The following ANKRD13B variants were observed in gnomAD, a reference collection of about 807,000 sequenced individuals.
The protein encoded by ANKRD13B is ankyrin repeat domain 13B, also known as ankyrin repeat domain-containing protein 13B.
ANKRD13B carries 33 observed loss-of-function variants against 74.4 expected under a neutral mutation model. That is an observed-to-expected ratio of 0.44 (90% CI 0.34 to 0.59). ANKRD13B has a LOEUF of 0.59. Ranked by LOEUF, ANKRD13B falls within the 20% of genes least tolerant of loss-of-function variation. The probability of loss-of-function intolerance (pLI) is 0.02; values close to 1 mark genes in which losing one functional copy is unlikely to be tolerated. For synonymous variants in ANKRD13B, 341 were observed against 362.9 expected (o/e 0.94, Z 0.68); for missense variants, 676 against 877.9 (o/e 0.77, Z 2.91).
At chr17:29,601,250 C>T (rs1197691637) in intron 1 of ANKRD13B, among the ~76,000 whole-genome samples, 1 of 145,630 alleles carries the variant, frequency 6.9e-6, no homozygotes, top group Non-Finnish European at 1.5e-5. Context: ...GAGACAGAGT[C>T]TCTCTCTGTC....
In ANKRD13B at chr17:29,611,690, C is replaced by T; in HGVS notation, c.969+47C>T. The T allele has an allele frequency of 6.2e-7, 1 of 1,605,530 alleles. No individual in the cohort carries two copies. Among genetic ancestry groups the T allele is most frequent in the Non-Finnish European group, 8.5e-7 (1 of 1,172,360 alleles). On this transcript the variant is annotated intron_variant, in intron 9 of 14. Coordinates refer to ENST00000394859, the MANE Select transcript of ANKRD13B (RefSeq NM_152345.5). The surrounding 1 kb of genome is among the most constrained non-coding windows in gnomAD (Gnocchi z 4.3). ...CGTAAGTGGAGGGATGTGGATGTGG[C>T]TCAGGAGGAGGCTTGGGAAGCGTCC...
chr17:29,599,575 T>C (rs1361667057), intron 1 of ANKRD13B: 4 of 152,106 alleles, frequency 2.6e-5, no homozygotes, highest in Admixed American at 6.5e-5. Flanking sequence ...GGTTTTTTTT[T>C]CCACCTGAAA....
At position 29,593,561 on chromosome 17, in the gene ANKRD13B, G is replaced by C. The variant is rs1433692922; in HGVS notation, c.-61G>C. On this transcript the variant is annotated 5_prime_UTR_variant, in exon 1 of 15. Coordinates refer to ENST00000394859, the MANE Select transcript of ANKRD13B (RefSeq NM_152345.5). Reference sequence around the variant, plus strand: ...CCCCCGCCCCGCGGCCCCGGGCCCCGGCTCCGGCGCCGTCCCTCCTCCCCG... The same window carrying C: ...CCCCCGCCCCGCGGCCCCGGGCCCCCGCTCCGGCGCCGTCCCTCCTCCCCG... 1.3e-5 allele frequency: 11 copies of C among 858,492 alleles called. No individual in the cohort carries two copies. Among genetic ancestry groups the C allele is most frequent in the Non-Finnish European group, 1.6e-5 (11 of 694,544 alleles). 53.2% of individuals were successfully genotyped at this position (858,492 alleles called of 1,614,324 possible).
At chr17:29,599,336 C>G (rs1314068231) in intron 1 of ANKRD13B, 1 of 152,032 alleles carries the variant, frequency 6.6e-6, no homozygotes, top group Non-Finnish European at 1.5e-5. Flanking sequence ...TAACACTTCA[C>G]AGGGTGACTT....
chr17:29,601,513 T>A (rs939316947), intron 1 of ANKRD13B, among the ~76,000 whole-genome samples: 5 of 152,280 alleles, frequency 3.3e-5, no homozygotes, highest in Middle Eastern at 3.4e-3. Context: ...TGAGCCACTG[T>A]GCCTGGCCTC....
At chr17:29,597,312 A>C (rs1041506840) in intron 1 of ANKRD13B, among the ~76,000 whole-genome samples, 7 of 152,184 alleles carry the variant, frequency 4.6e-5, no homozygotes, top group Admixed American at 1.3e-4. Context: ...GTTACACAGG[A>C]GTGGACTCCT....
intron 2 of ANKRD13B, 54 bp downstream of exon 2, chr17:29,607,931 G>C: frequency 6.3e-7 from 1 of 1,578,686 alleles, no homozygotes; most frequent in Non-Finnish European, 8.6e-7. Flanking sequence ...CAGCATCATA[G>C]ACCTATGGTT....
chr17:29,606,268 T>A (rs2034370812), intron 1 of ANKRD13B, among the ~76,000 whole-genome samples: 1 of 151,298 alleles, frequency 6.6e-6, no homozygotes, highest in Admixed American at 6.6e-5. Context: ...TTTAAATACT[T>A]ATGCTTAAGA....
At chr17:29,603,988 G>C (rs1256394215) in intron 1 of ANKRD13B, among the ~76,000 whole-genome samples, 1 of 148,970 alleles carries the variant, frequency 6.7e-6, no homozygotes, top group Non-Finnish European at 1.5e-5. Context: ...TGATCCACCC[G>C]CCTCAGCCTC....
chr17:29,607,887 C>A lies in ANKRD13B; in HGVS notation c.250+10C>A. ...CGCAGCGGCTGGACAGGTGGGCAGC[C>A]CTGCTCACCCCAGCCCCACAGCCGG... On this transcript the variant is annotated intron_variant, in intron 2 of 14. Transcript: ENST00000394859. 6.3e-7 allele frequency: 1 copy of A among 1,590,432 alleles called. No individual in the cohort carries two copies.
chr17:29,607,606 T>C, intron 1 of ANKRD13B, 136 bp from the exon 2 acceptor site: 1 of 1,240,724 alleles, frequency 8.1e-7, no homozygotes, highest in Non-Finnish European at 1.1e-6. Context: ...TGTCTTTCCG[T>C]TGCCTTGTGA....
At chr17:29,613,251 G>A (rs1428693973) in intron 14 of ANKRD13B, 103 bp from the exon 15 acceptor site, 3 of 1,388,646 alleles carry the variant, frequency 2.2e-6, no homozygotes, top group South Asian at 1.6e-5. Context: ...CTCCACTAGA[G>A]GGTGGTGGCC....
In ANKRD13B at chr17:29,607,837, C is replaced by A; in HGVS notation, c.210C>A (p.His70Gln). The A allele has an allele frequency of 6.2e-7, 1 of 1,603,916 alleles. No homozygotes were observed. Among genetic ancestry groups the A allele is most frequent in the African/African-American group, 1.3e-5 (1 of 75,008 alleles). The stretch of plus-strand genomic sequence containing the variant: ...AGTGTGCCCGTGTGCTCCTGGCGCA[C>A]GGCGCAGACGTGGGCAGGGAGAATC... Reference protein sequence around the residue: ...HLECARVLLAHGADVGRENRS... With the variant: ...HLECARVLLAQGADVGRENRS... Residue 70 changes from histidine to glutamine, a missense_variant, in exon 2 of 15, where the codon CAC becomes CAA. His to Gln is a conservative substitution (Grantham distance 24, BLOSUM62 0). Around this residue, in one of 4 missense-constraint regions of ANKRD13B, gnomAD observed 328 missense variants for 518.4 expected, o/e 0.63. Transcript: ENST00000394859.
At chr17:29,600,914 T>C (rs1265565901) in intron 1 of ANKRD13B, among the ~76,000 whole-genome samples, 1 of 151,582 alleles carries the variant, frequency 6.6e-6, no homozygotes, top group Non-Finnish European at 1.5e-5. Context: ...TTTTAAATAT[T>C]TTACTGACTT....
intron 8 of ANKRD13B, 26 bp downstream of exon 8, chr17:29,610,792 G>C: frequency 6.2e-7 from 1 of 1,611,500 alleles, no homozygotes. Flanking sequence ...TGGATGGGGA[G>C]AGGTGTTGCA....
chr17:29,608,881 A>C lies in ANKRD13B; in HGVS notation c.452A>C (p.Asp151Ala). The C allele has an allele frequency of 6.2e-7, 1 of 1,614,098 alleles. No homozygotes were observed. Among genetic ancestry groups the C allele is most frequent in the Non-Finnish European group, 8.5e-7 (1 of 1,180,018 alleles). ...CTGGTGTCCAAGATCTGCCCTAGTG[A>C]CACCTACAAAGTGTGGAAGAGCGGC... is the stretch of plus-strand genomic sequence containing the variant. Reference protein sequence around the residue: ...VPLVSKICPSDTYKVWKSGQN... With the variant: ...VPLVSKICPSATYKVWKSGQN... The change falls in exon 5 of 15, where the codon GAC becomes GCC. Residue 151 changes from aspartate to alanine, a missense_variant. Around this residue, in one of 4 missense-constraint regions of ANKRD13B, gnomAD observed 328 missense variants for 518.4 expected, o/e 0.63. Transcript: ENST00000394859. This position sits in a 1 kb window ranked among gnomAD's most constrained non-coding sequence, Gnocchi z 6.4.
chr17:29,613,100 C>T, intron 14 of ANKRD13B, 137 bp downstream of exon 14: 3 of 1,282,174 alleles, frequency 2.3e-6, no homozygotes, highest in Non-Finnish European at 2.2e-6. Flanking sequence ...CCACTCCTGC[C>T]TCCGAGGCGG....
chr17:29,606,065 A>G (rs2034361700), intron 1 of ANKRD13B, among the ~76,000 whole-genome samples: 1 of 151,714 alleles, frequency 6.6e-6, no homozygotes, highest in Non-Finnish European at 1.5e-5. Flanking sequence ...GGCATGGGCC[A>G]CCACGCCTGG....
intron 1 of ANKRD13B, among the ~76,000 whole-genome samples, chr17:29,604,498 C>T (rs979415530): frequency 2.3e-4 from 34 of 146,484 alleles, no homozygotes; most frequent in African/African-American, 7.9e-4. Context: ...TGTGAGCCAC[C>T]GTGCCTGGCC....
Sources: allele counts gnomAD v4.1 joint callset (sites outside exome capture counted in the v4.1 genomes callset), GRCh38; gene constraint gnomAD v4.1.1; regional missense constraint gnomAD v4.1.1; non-coding constraint Gnocchi (gnomAD v3.1); transcripts MANE v1.5; gene names NCBI Gene and HGNC (gene_info 2026-07-23, HGNC 2026-07-21).